The following SDK2 variants were observed in gnomAD, a reference collection of about 807,000 sequenced individuals.
The protein encoded by SDK2 is sidekick cell adhesion molecule 2.
In SDK2, 105 loss-of-function variants were observed where a neutral mutation model predicts 253.9. The ratio of observed to expected loss-of-function variants is 0.41; its 90% CI spans 0.35 to 0.49. The LOEUF is 0.49. Among genes scored for constraint, SDK2 ranks in the 20% least tolerant of loss-of-function variants. The probability of loss-of-function intolerance (pLI) is 0.06; values close to 1 mark genes in which losing one functional copy is unlikely to be tolerated. For synonymous variants in SDK2, 1,249 were observed against 1,234.9 expected (o/e 1.01, Z -0.24); for missense variants, 2,608 against 3,003.0 (o/e 0.87, Z 3.07).
rs572948913 is a variant in SDK2 at position 73,584,487 on chromosome 17, C to T, written c.64+59538G>A. Reference sequence around the variant, plus strand: ...TCCCCAAAGAGGGAAACAGTCAGCTCCGAGGGCGGGACTGTGCCACCTCCG... The same window carrying T: ...TCCCCAAAGAGGGAAACAGTCAGCTTCGAGGGCGGGACTGTGCCACCTCCG... On this transcript the variant is annotated intron_variant, in intron 1 of 44. Transcript: ENST00000392650. 5.9e-5 allele frequency among the ~76,000 whole-genome samples: 9 copies of T among 152,334 alleles called. No homozygotes were observed. In the East Asian group the frequency reaches 1.5e-3, roughly 26 times the overall value.
chr17:73,483,639 A>ATGTGTGTGTGTGTGTGTGTGTG (rs1188169326), intron 2 of SDK2, among the ~76,000 whole-genome samples: 2 of 48,234 alleles, frequency 4.1e-5, no homozygotes, highest in African/African-American at 7.6e-5. Context: ...ATGTATATAT[A>ATGTGTGTGTGTGTGTGTGTGTG]TATGTGTGTG....
chr17:73,580,951 G>T (rs1318090735), intron 1 of SDK2, among the ~76,000 whole-genome samples: 2 of 152,150 alleles, frequency 1.3e-5, no homozygotes, highest in African/African-American at 4.8e-5. Context: ...GGAGTGCAGT[G>T]GTATGAATAC....
At chr17:73,355,174 A>ATATATATATATATTTTTTTT in intron 40 of SDK2, among the ~76,000 whole-genome samples, 653 of 46,830 alleles carry the variant, frequency 0.014, 14 homozygotes, top group South Asian at 0.017. Flanking sequence ...ATATATATAT[A>ATATATATATATATTTTTTTT]TTTTTTTTTT....
intron 3 of SDK2, among the ~76,000 whole-genome samples, chr17:73,460,278 G>A (rs9892292): frequency 0.15 from 22,699 of 152,186 alleles, 1,933 homozygotes; most frequent in Middle Eastern, 0.24. Flanking sequence ...TCAGATGACA[G>A]CCAGCACCAA....
intron 36 of SDK2, among the ~76,000 whole-genome samples, chr17:73,376,339 TAAC>T (rs2062780959): frequency 7.6e-6 from 1 of 132,358 alleles, no homozygotes; most frequent in East Asian, 3.2e-4. Flanking sequence ...GGGCACACAA[TAAC>T]TGCTCAATAA....
intron 18 of SDK2, among the ~76,000 whole-genome samples, chr17:73,413,941 C>T (rs1701774674): frequency 6.6e-6 from 1 of 152,046 alleles, no homozygotes; most frequent in South Asian, 2.1e-4. Context: ...CCTGGGGATA[C>T]GTTTGAGCAT....
At position 73,589,819 on chromosome 17, in the gene SDK2, C is replaced by T. The variant is rs967719197; in HGVS notation, c.64+54206G>A. On this transcript the variant is annotated intron_variant, in intron 1 of 44. Coordinates refer to ENST00000392650, the MANE Select transcript of SDK2 (RefSeq NM_001144952.2). ...TTTGAGCAGCCCCGCAGAGCCACTG[C>T]GGATTAGCAGGTGTTACAGAGGTGC... Among the ~76,000 whole-genome samples the T allele has an allele frequency of 2.6e-5, 4 of 152,236 alleles. No individual in the cohort carries two copies. In the East Asian group the frequency reaches 5.8e-4, roughly 22 times the overall value.
chr17:73,476,194 T>C (rs1267121630), intron 2 of SDK2, among the ~76,000 whole-genome samples: 1 of 152,256 alleles, frequency 6.6e-6, no homozygotes, highest in African/African-American at 2.4e-5. Flanking sequence ...ATGATAGTAT[T>C]TGCTATGATG....
At chr17:73,353,626 C>T (rs910112921) in intron 40 of SDK2, among the ~76,000 whole-genome samples, 49 of 151,138 alleles carry the variant, frequency 3.2e-4, no homozygotes, top group African/African-American at 9.2e-4. Context: ...CTCGAACTCT[C>T]GACCTCAGGT....
chr17:73,386,234 G>A lies in SDK2; in HGVS notation c.4498+211C>T, dbSNP rs531347185. The stretch of plus-strand genomic sequence containing the variant: ...GCAGCTTGTGGGACAGGAGGAATAC[G>A]CCACAGGCCAGGCTGGGCCTGGGAC... On this transcript the variant is annotated intron_variant, in intron 31 of 44. Coordinates refer to ENST00000392650, the MANE Select transcript of SDK2 (RefSeq NM_001144952.2). Among the ~76,000 whole-genome samples the A allele has an allele frequency of 2.0e-5, 3 of 152,316 alleles. 1 individual carries two copies. The highest frequency in any genetic ancestry group is 3.4e-3 in the Middle Eastern group (1 of 294).
chr17:73,602,132 G>A (rs909541925), intron 1 of SDK2, among the ~76,000 whole-genome samples: 2 of 152,206 alleles, frequency 1.3e-5, no homozygotes, highest in Non-Finnish European at 2.9e-5. Flanking sequence ...AGTTGGCCAC[G>A]TTTGGGAAAC....
intron 5 of SDK2, among the ~76,000 whole-genome samples, chr17:73,442,710 C>A (rs2063425151): frequency 6.6e-6 from 1 of 151,892 alleles, no homozygotes; most frequent in Non-Finnish European, 1.5e-5. Context: ...AGTAAGTGCT[C>A]AAATACGTGT....
intron 3 of SDK2, among the ~76,000 whole-genome samples, chr17:73,458,406 C>T (rs181038608): frequency 2.8e-4 from 43 of 152,296 alleles, no homozygotes; most frequent in Non-Finnish European, 5.7e-4. Context: ...CCGTCTGGCT[C>T]TCTGAGTACC....
rs1385769546 is a variant in SDK2, at chr17:73,380,927, T to G, written c.4729A>C (p.Ser1577Arg). ...TCGTACTGCGTGAGGCTGGGCCGGC[T>G]CAGGTTCCGCATGGAGTACATGGCT... The part of the protein sequence containing the change: ...LTSMYSMRNL[S>R]RPSLTQYELD... The change falls in exon 34 of 45, where the codon AGC (serine) becomes CGC (arginine). Residue 1577 changes from serine (S) to arginine (R), a missense_variant. This residue lies in a region of SDK2 where 1,103 missense variants were observed against 1,143.9 expected (regional missense o/e 0.96). Coordinates refer to ENST00000392650, the MANE Select transcript of SDK2 (RefSeq NM_001144952.2). 4 of 1,549,688 alleles carry G rather than the reference T, an allele frequency of 2.6e-6. No individual in the cohort carries two copies. The highest frequency in any genetic ancestry group is 3.5e-6 in the Non-Finnish European group (4 of 1,145,976).
chr17:73,542,554 C>T lies in SDK2; in HGVS notation c.65-34957G>A, dbSNP rs185322495. ...CCTGGTAAGCAGCACAGTGGCCCTC[C>T]GTGAGCTGTGCCCTGCTGGGCAGGC... On this transcript the variant is annotated intron_variant, in intron 1 of 44. Transcript: ENST00000392650. Among the ~76,000 whole-genome samples the T allele has an allele frequency of 3.0e-3, 457 of 152,300 alleles. 3 individuals are homozygous for T. The highest frequency in any genetic ancestry group is 0.01 in the African/African-American group (421 of 41,554).
chr17:73,423,648 C>A, intron 13 of SDK2, 126 bp from the exon 14 acceptor site: 1 of 1,173,778 alleles, frequency 8.5e-7, no homozygotes, highest in Non-Finnish European at 1.1e-6. Flanking sequence ...TAAAATGTGG[C>A]CTTCGGGCCA....
chr17:73,610,667 ATG>A (rs972886372), intron 1 of SDK2, among the ~76,000 whole-genome samples: 64 of 151,828 alleles, frequency 4.2e-4, no homozygotes, highest in African/African-American at 1.6e-3. Context: ...CTGTGTGTGC[ATG>A]TGTTTTCTGT....
intron 12 of SDK2, among the ~76,000 whole-genome samples, chr17:73,429,376 T>G (rs773842881): frequency 3.3e-5 from 5 of 152,266 alleles, no homozygotes; most frequent in Non-Finnish European, 7.3e-5. Context: ...GCATTTGTGC[T>G]AGCGTCATGT....
intron 12 of SDK2, among the ~76,000 whole-genome samples, chr17:73,426,629 C>T (rs1249923278): frequency 2.6e-5 from 4 of 152,142 alleles, no homozygotes; most frequent in Non-Finnish European, 4.4e-5. Context: ...GCAGTGAAAT[C>T]GTTGAGTTAA....
Sources: gnomAD v4.1 joint callset for allele counts (sites outside exome capture counted in the v4.1 genomes callset) on GRCh38, gnomAD v4.1.1 for gene constraint, gnomAD v4.1.1 regional missense constraint, MANE v1.5 for transcripts, NCBI Gene and HGNC (gene_info 2026-07-23, HGNC 2026-07-21) for gene names.